DYM: variants seen among roughly 807,000 people sequenced by gnomAD.
DYM encodes the protein dymeclin.
Under a neutral mutation model 93.1 loss-of-function variants are expected in DYM, and 78 were observed. That is an observed-to-expected ratio of 0.84 (90% CI 0.70 to 1.01). DYM has a LOEUF of 1.01. Among genes scored for constraint, DYM ranks in the 50% least tolerant of loss-of-function variants. DYM has a pLI of 0.00. For missense variants in DYM, 789 were observed against 845.0 expected, an observed-to-expected ratio of 0.93 and a Z score of 0.82; for synonymous variants, 321 against 319.7, an observed-to-expected ratio of 1.00 and a Z score of -0.04.
intron 11 of DYM, among the ~76,000 whole-genome samples, chr18:49,267,653 G>T (rs925179386): frequency 2.6e-5 from 4 of 152,142 alleles, no homozygotes; most frequent in African/African-American, 7.2e-5. Flanking sequence ...TGGCACTTTG[G>T]GAGGCCAAGG....
At chr18:49,105,753 C>G (rs1281816009) in intron 16 of DYM, among the ~76,000 whole-genome samples, 6 of 152,092 alleles carry the variant, frequency 3.9e-5, no homozygotes, top group Non-Finnish European at 4.4e-5. Flanking sequence ...TCTAGTTTGA[C>G]TGCACTGTGG....
intron 11 of DYM, among the ~76,000 whole-genome samples, chr18:49,263,420 G>A (rs1428031333): frequency 6.7e-6 from 1 of 149,524 alleles, no homozygotes; most frequent in Non-Finnish European, 1.5e-5. Flanking sequence ...CGCCTGGCTT[G>A]AATATCTTCT....
intron 15 of DYM, among the ~76,000 whole-genome samples, chr18:49,161,530 C>G (rs1243030218): frequency 6.6e-6 from 1 of 152,092 alleles, no homozygotes; most frequent in African/African-American, 2.4e-5. Flanking sequence ...TTGGTAAACC[C>G]AACTCCCCAT....
intron 17 of DYM, among the ~76,000 whole-genome samples, chr18:49,079,141 T>C (rs1312422068): frequency 6.6e-6 from 1 of 152,234 alleles, no homozygotes; most frequent in Non-Finnish European, 1.5e-5. Flanking sequence ...ATTGTTTCTA[T>C]TTCTCGGCTG....
At chr18:49,247,396 AC>A (rs2094196104) in intron 13 of DYM, among the ~76,000 whole-genome samples, 1 of 152,218 alleles carries the variant, frequency 6.6e-6, no homozygotes, top group African/African-American at 2.4e-5. Flanking sequence ...ACCAGAATCT[AC>A]AAAACTGTAG....
chr18:49,432,343 A>AG (rs2080407106), intron 1 of DYM, among the ~76,000 whole-genome samples: 1 of 151,216 alleles, frequency 6.6e-6, no homozygotes, highest in African/African-American at 2.4e-5. Flanking sequence ...AAAAAAAAAA[A>AG]AAAAAGAAAG....
intron 2 of DYM, among the ~76,000 whole-genome samples, chr18:49,420,285 A>G (rs1204401993): frequency 6.7e-6 from 1 of 149,416 alleles, no homozygotes; most frequent in Non-Finnish European, 1.5e-5. Context: ...CTCCTGCTTC[A>G]GCCTCCCGAG....
intron 17 of DYM, among the ~76,000 whole-genome samples, chr18:49,078,332 C>G (rs746413756): frequency 5.7e-4 from 87 of 152,102 alleles, no homozygotes; most frequent in Non-Finnish European, 4.7e-4. Context: ...ACGTTGCATG[C>G]CTGTATCAAA....
intron 17 of DYM, among the ~76,000 whole-genome samples, chr18:49,091,419 A>T (rs1007099216): frequency 6.6e-6 from 1 of 152,154 alleles, no homozygotes; most frequent in African/African-American, 2.4e-5. Context: ...TCATTTGCTC[A>T]TGAGAGTAAA....
At chr18:49,412,093 A>G (rs1315715542) in intron 2 of DYM, among the ~76,000 whole-genome samples, 1 of 152,186 alleles carries the variant, frequency 6.6e-6, no homozygotes, top group Non-Finnish European at 1.5e-5. Flanking sequence ...GTTTACATTC[A>G]TGTGATTCAC....
intron 12 of DYM, 69 bp downstream of exon 12, chr18:49,258,311 G>T: frequency 9.1e-7 from 1 of 1,097,790 alleles, no homozygotes; most frequent in Non-Finnish European, 1.4e-6. Context: ...TAAAAATTGG[G>T]ATTGCTTTAA....
intron 2 of DYM, among the ~76,000 whole-genome samples, chr18:49,401,389 G>A (rs575999697): frequency 6.6e-6 from 1 of 152,148 alleles, no homozygotes; most frequent in Non-Finnish European, 1.5e-5. Context: ...TCACAAAACT[G>A]GAATCTCAGT....
rs1242111401 is a variant in DYM, at chr18:49,444,295, G to C, written c.-53-13848C>G. ...CGTCCTGCCACGAAACAATACAATG[G>C]CTTAACAATGGCAGAGTTTTACTGA... On this transcript the variant is annotated intron_variant, in intron 1 of 17. Transcript: ENST00000675505. Among the ~76,000 whole-genome samples the C allele has an allele frequency of 2.6e-5, 4 of 152,136 alleles. No homozygotes were observed. The East Asian group carries it at 7.7e-4, about 29-fold the overall frequency.
At chr18:49,428,613 G>C (rs2148441969) in intron 2 of DYM, among the ~76,000 whole-genome samples, 2 of 152,282 alleles carry the variant, frequency 1.3e-5, no homozygotes, top group South Asian at 4.1e-4. Flanking sequence ...TTGAATCCAG[G>C]AGGCAGAGTT....
chr18:49,186,449 C>T (rs1258289871), intron 14 of DYM, among the ~76,000 whole-genome samples: 2 of 152,126 alleles, frequency 1.3e-5, no homozygotes, highest in Non-Finnish European at 2.9e-5. Flanking sequence ...TTGTCTCTCT[C>T]GCCCACTATT....
intron 6 of DYM, among the ~76,000 whole-genome samples, chr18:49,357,542 C>A (rs190559335): frequency 6.6e-6 from 1 of 152,172 alleles, no homozygotes; most frequent in South Asian, 2.1e-4. Flanking sequence ...AATGTGCCAA[C>A]TACAAATGAG....
intron 6 of DYM, among the ~76,000 whole-genome samples, chr18:49,338,470 T>C (rs992724980): frequency 2.6e-5 from 4 of 152,030 alleles, no homozygotes; most frequent in East Asian, 1.9e-4. Context: ...ACCTTGACAA[T>C]AAAGAATGAA....
At chr18:49,396,448 T>TA (rs1305980946) in intron 2 of DYM, among the ~76,000 whole-genome samples, 1 of 152,200 alleles carries the variant, frequency 6.6e-6, no homozygotes, top group Non-Finnish European at 1.5e-5. Context: ...TGAGCATCCC[T>TA]AATCCAAAAA....
chr18:49,442,861 T>C (rs1181460827), intron 1 of DYM, among the ~76,000 whole-genome samples: 1 of 142,076 alleles, frequency 7.0e-6, no homozygotes, highest in African/African-American at 2.6e-5. Context: ...TGATTCCTAC[T>C]TTTTTTTTTT....
Sources: allele counts gnomAD v4.1 joint callset (sites outside exome capture counted in the v4.1 genomes callset), GRCh38; gene constraint gnomAD v4.1.1; transcripts MANE v1.5; gene names NCBI Gene and HGNC (gene_info 2026-07-23, HGNC 2026-07-21).